LRCH3: variants seen among roughly 807,000 people sequenced by gnomAD.
LRCH3 encodes DISP complex protein LRCH3.
Under a neutral mutation model 104.5 loss-of-function variants are expected in LRCH3, and 68 were observed. The ratio of observed to expected loss-of-function variants is 0.65; its 90% confidence interval spans 0.54 to 0.80. The LOEUF is 0.80. Ranked by LOEUF, LRCH3 falls within the 30% of genes least tolerant of loss-of-function variation. The probability of loss-of-function intolerance (pLI) is 0.00; values close to 1 mark genes in which losing one functional copy is unlikely to be tolerated. For synonymous variants in LRCH3, 344 were observed against 361.3 expected, an observed-to-expected ratio of 0.95 and a Z score of 0.54; for missense variants, 951 against 953.9, an observed-to-expected ratio of 1.00 and a Z score of 0.04.
chr3:197,837,638 C>G (rs961058017), intron 9 of LRCH3, among the ~76,000 whole-genome samples: 2 of 152,056 alleles, frequency 1.3e-5, no homozygotes, highest in African/African-American at 4.8e-5. Context: ...ATACATAGAC[C>G]ATTCCTGTCT....
At chr3:197,879,511 TGGC>T (rs1713357965) in intron 20 of LRCH3, among the ~76,000 whole-genome samples, 1 of 151,276 alleles carries the variant, frequency 6.6e-6, no homozygotes, top group African/African-American at 2.5e-5. Context: ...CCGGGCGTGG[TGGC>T]GGGCGCCTGT....
At chr3:197,798,254 C>A (rs145383903) in intron 1 of LRCH3, among the ~76,000 whole-genome samples, 1 of 151,052 alleles carries the variant, frequency 6.6e-6, no homozygotes, top group Non-Finnish European at 1.5e-5. Flanking sequence ...GAGTGAGACC[C>A]TGTCTCAAAA....
At chr3:197,812,504 G>GTTTTGTTTTTTTTTTTT (rs1733252501) in intron 1 of LRCH3, among the ~76,000 whole-genome samples, 2 of 48,956 alleles carry the variant, frequency 4.1e-5, no homozygotes, top group Non-Finnish European at 7.0e-5. Flanking sequence ...TCTGCTTTCA[G>GTTTTGTTTTTTTTTTTT]TTTTTTTTTT....
intron 19 of LRCH3, among the ~76,000 whole-genome samples, chr3:197,875,380 G>A (rs1712765190): frequency 6.6e-6 from 1 of 152,202 alleles, no homozygotes; most frequent in Admixed American, 6.5e-5. Context: ...AATGTTGCTA[G>A]TAGGCTGGGC....
rs1714274648 is a variant in LRCH3 at position 197,887,269 on chromosome 3, G to GT, written c.*3604dup. Reference sequence around the variant, plus strand: ...ACATTTAGCTTTGCTTGACTCCAGTGTAAGATGAAGATGACCTTGTCACAG... The same window carrying GT: ...ACATTTAGCTTTGCTTGACTCCAGTGTTAAGATGAAGATGACCTTGTCACAG... On this transcript the variant is annotated 3_prime_UTR_variant, in exon 21 of 21. Transcript: ENST00000425562. 1 of 152,338 alleles carries GT rather than the reference G, an allele frequency of 6.6e-6. No homozygotes were observed. The highest frequency in any genetic ancestry group is 2.0e-4 in the South Asian group (1 of 4,940). 9.4% of individuals were successfully genotyped at this position (152,338 alleles called of 1,614,324 possible).
At chr3:197,797,036 C>CA (rs146158698) in intron 1 of LRCH3, among the ~76,000 whole-genome samples, 4 of 149,872 alleles carry the variant, frequency 2.7e-5, no homozygotes, top group African/African-American at 7.4e-5. Flanking sequence ...ACTAAAAATA[C>CA]AAAAAAATTT....
At chr3:197,859,724 T>C (rs1459139919) in intron 15 of LRCH3, among the ~76,000 whole-genome samples, 1 of 152,210 alleles carries the variant, frequency 6.6e-6, no homozygotes, top group Non-Finnish European at 1.5e-5. Context: ...TTCTTTTCTT[T>C]CCAGAGTGGA....
chr3:197,847,457 T>C lies in LRCH3; in HGVS notation c.1377T>C (p.Asn459=). The C allele has an allele frequency of 6.2e-7, 1 of 1,602,350 alleles. No homozygotes were observed. Among genetic ancestry groups the C allele is most frequent in the Non-Finnish European group, 8.5e-7 (1 of 1,176,126 alleles). ...TCCTGTCACTATCAGCAAGTCACAA[T>C]CAGGTAATGTTTAGTAGTTGTGTTT... The part of the protein sequence containing the change: ...SSLLSLSASH[N]QLSHTDLELH... Residue 459 remains asparagine, a synonymous_variant, in exon 11 of 21, where the codon AAT becomes AAC. Transcript: ENST00000425562.
At chr3:197,837,205 A>G (rs1736945401) in intron 9 of LRCH3, among the ~76,000 whole-genome samples, 1 of 152,198 alleles carries the variant, frequency 6.6e-6, no homozygotes, top group African/African-American at 2.4e-5. Context: ...CAATAAAATT[A>G]AAAATGACAC....
intron 1 of LRCH3, among the ~76,000 whole-genome samples, chr3:197,813,688 G>A (rs1733489225): frequency 6.6e-6 from 1 of 151,764 alleles, no homozygotes; most frequent in African/African-American, 2.4e-5. Context: ...GTGCCACCAT[G>A]CCCGGCTAAC....
chr3:197,792,606 A>ATATATAT (rs1233845852), intron 1 of LRCH3, among the ~76,000 whole-genome samples: 2 of 37,976 alleles, frequency 5.3e-5, no homozygotes, highest in South Asian at 1.2e-3. Flanking sequence ...TATATATATA[A>ATATATAT]AATATACATA....
chr3:197,830,253 A>G lies in LRCH3; in HGVS notation c.888-517A>G, dbSNP rs1273573792. 1.3e-5 allele frequency among the ~76,000 whole-genome samples: 2 copies of G among 152,142 alleles called. 1 individual carries two copies. The highest frequency in any genetic ancestry group is 4.8e-5 in the African/African-American group (2 of 41,428). On this transcript the variant is annotated intron_variant, in intron 6 of 20. Coordinates refer to ENST00000425562, the MANE Select transcript of LRCH3 (RefSeq NM_001365715.1). ...TTGGCAGTCCCAACCATCTGGAACA[A>G]TCTCTTTTTTTTGAAACAAGGTCTT...
At chr3:197,815,429 G>T (rs1733692025) in intron 2 of LRCH3, among the ~76,000 whole-genome samples, 1 of 152,182 alleles carries the variant, frequency 6.6e-6, no homozygotes, top group Non-Finnish European at 1.5e-5. Flanking sequence ...TTATAATAAA[G>T]TATTGAATAG....
chr3:197,844,210 G>A (rs1000663762), intron 10 of LRCH3, among the ~76,000 whole-genome samples: 2 of 152,186 alleles, frequency 1.3e-5, no homozygotes, highest in Non-Finnish European at 1.5e-5. Context: ...GAGTTCTGCT[G>A]TGGTTATGTT....
In LRCH3 at chr3:197,883,773, G is replaced by A. The variant is rs1243019915; in HGVS notation, c.*107G>A. Reference sequence around the variant, plus strand: ...ACAAAGCTCTTGTGTGTTCTCAGAAGGGACCGTTCCCATGATTCCTAACAG... The same window carrying A: ...ACAAAGCTCTTGTGTGTTCTCAGAAAGGACCGTTCCCATGATTCCTAACAG... On this transcript the variant is annotated 3_prime_UTR_variant, in exon 21 of 21. Coordinates refer to ENST00000425562, the MANE Select transcript of LRCH3 (RefSeq NM_001365715.1). This position sits in a 1 kb window ranked among gnomAD's most constrained non-coding sequence, Gnocchi z 4.2. 2.5e-6 allele frequency: 3 copies of A among 1,198,760 alleles called. No homozygotes were observed. The highest frequency in any genetic ancestry group is 3.1e-5 in the African/African-American group (2 of 64,046). 74.3% of individuals were successfully genotyped at this position (1,198,760 alleles called of 1,614,324 possible). A position where few individuals can be genotyped will look rare whatever the true frequency, so the allele number is the denominator to read the frequency against.
chr3:197,832,403 G>A, intron 8 of LRCH3, 86 bp downstream of exon 8: 1 of 1,412,064 alleles, frequency 7.1e-7, no homozygotes, highest in Middle Eastern at 1.8e-4. Context: ...CCTTTTGTTG[G>A]TGTATCTATA....
intron 10 of LRCH3, among the ~76,000 whole-genome samples, chr3:197,839,746 A>G (rs911252413): frequency 6.6e-6 from 1 of 151,986 alleles, no homozygotes; most frequent in African/African-American, 2.4e-5. Flanking sequence ...TTGGGAGGCC[A>G]AGACGGGAGG....
intron 1 of LRCH3, among the ~76,000 whole-genome samples, chr3:197,800,910 A>G (rs2109113823): frequency 6.6e-6 from 1 of 152,226 alleles, no homozygotes; most frequent in Middle Eastern, 3.4e-3. Flanking sequence ...CCTGACCAAC[A>G]TGGTGAAACC....
Position 197,885,831 on chromosome 3 carries a change from A to C in LRCH3, c.*2165A>C, listed in dbSNP as rs999165528. On this transcript the variant is annotated 3_prime_UTR_variant, in exon 21 of 21. Transcript: ENST00000425562. ...CAAGTAAATAAAGTAAGCGGAAGAT[A>C]TCTCTTTTGTTTCTGTAGTTGTTAA... 3.3e-5 allele frequency: 5 copies of C among 152,216 alleles called. No individual in the cohort carries two copies. Among genetic ancestry groups the C allele is most frequent in the Non-Finnish European group, 7.3e-5 (5 of 68,038 alleles). 9.4% of individuals were successfully genotyped at this position (152,216 alleles called of 1,614,324 possible). A position where few individuals can be genotyped will look rare whatever the true frequency, so the allele number is the denominator to read the frequency against.
Sources: allele counts gnomAD v4.1 joint callset (sites outside exome capture counted in the v4.1 genomes callset), GRCh38; gene constraint gnomAD v4.1.1; non-coding constraint Gnocchi (gnomAD v3.1); transcripts MANE v1.5; gene names NCBI Gene and HGNC (gene_info 2026-07-23, HGNC 2026-07-21).